MTSS1: variants seen among roughly 807,000 people sequenced by gnomAD.
MTSS1 encodes MTSS I-BAR domain containing 1.
Under a neutral mutation model 79.0 loss-of-function variants are expected in MTSS1, and 18 were observed. The observed-to-expected ratio is 0.23, with a 90% confidence interval of 0.16 to 0.34. The LOEUF is 0.34. Among genes scored for constraint, MTSS1 ranks in the 10% least tolerant of loss-of-function variants. MTSS1 has a pLI of 1.00. For synonymous variants in MTSS1, 341 were observed against 368.6 expected, an observed-to-expected ratio of 0.93 and a Z score of 0.86; for missense variants, 815 against 986.2, an observed-to-expected ratio of 0.83 and a Z score of 2.33.
rs77717998 is a variant in MTSS1, at chr8:124,629,006, G to A, written c.209-37771C>T. 5.5e-3 allele frequency among the ~76,000 whole-genome samples: 836 copies of A among 152,260 alleles called. 8 individuals carry two copies. Among genetic ancestry groups the A allele is most frequent in the African/African-American group, 0.018 (766 of 41,556 alleles). The stretch of plus-strand genomic sequence containing the variant: ...TTTCCCAAGAGGGTCCTTGGGGCAG[G>A]AGGGAAATGAGTTAATCATGAGAGC... On this transcript the variant is annotated intron_variant, in intron 3 of 13. Transcript: ENST00000518547.
At chr8:124,574,501 G>A (rs574619590) in intron 6 of MTSS1, among the ~76,000 whole-genome samples, 4 of 152,152 alleles carry the variant, frequency 2.6e-5, no homozygotes, top group Admixed American at 6.5e-5. Flanking sequence ...AGTCTTTCTC[G>A]TTCTGAAGAC....
At chr8:124,677,512 AT>A (rs1331103656) in intron 3 of MTSS1, among the ~76,000 whole-genome samples, 3 of 152,140 alleles carry the variant, frequency 2.0e-5, no homozygotes, top group Non-Finnish European at 4.4e-5. Flanking sequence ...AATTCATACC[AT>A]TTTTGCATGT....
rs1412314953 is a variant in MTSS1 at position 124,727,727 on chromosome 8, C to T, written c.72+157G>A. 3 of 690,472 alleles carry T rather than the reference C, an allele frequency of 4.3e-6. No homozygotes were observed. The highest frequency in any genetic ancestry group is 4.5e-5 in the Admixed American group (2 of 44,088). 42.8% of individuals were successfully genotyped at this position (690,472 alleles called of 1,614,324 possible). A position where few individuals can be genotyped will look rare whatever the true frequency, so the allele number is the denominator to read the frequency against. On this transcript the variant is annotated intron_variant, in intron 1 of 13. Coordinates refer to ENST00000518547, the MANE Select transcript of MTSS1 (RefSeq NM_014751.6). This position sits in a 1 kb window ranked among gnomAD's most constrained non-coding sequence, Gnocchi z 4.7. The stretch of plus-strand genomic sequence containing the variant: ...CCCCGCAGAGCCCGGAGCAGCGCCC[C>T]GGGTGAGCAGGTGACACTCCGGCCG...
chr8:124,605,875 A>T (rs1834745128), intron 3 of MTSS1, among the ~76,000 whole-genome samples: 3 of 152,074 alleles, frequency 2.0e-5, no homozygotes, highest in Admixed American at 2.0e-4. Context: ...TGCTTGCAAC[A>T]TGACAAACCC....
chr8:124,676,405 G>C (rs1825296664), intron 3 of MTSS1, among the ~76,000 whole-genome samples: 1 of 152,196 alleles, frequency 6.6e-6, no homozygotes, highest in Non-Finnish European at 1.5e-5. Context: ...AGAACACTCA[G>C]ACCTTTCTTT....
intron 3 of MTSS1, among the ~76,000 whole-genome samples, chr8:124,627,679 G>A (rs186288715): frequency 0.024 from 3,711 of 152,276 alleles, 77 homozygotes; most frequent in South Asian, 0.075. Flanking sequence ...GTGGCGGGGG[G>A]GTCCCCCAGG....
intron 6 of MTSS1, among the ~76,000 whole-genome samples, chr8:124,569,935 C>T (rs1017257083): frequency 4.6e-5 from 7 of 152,144 alleles, no homozygotes; most frequent in African/African-American, 1.4e-4. Context: ...GCAGGAAGGG[C>T]CCTGCAGTTT....
At chr8:124,580,272 T>A in intron 6 of MTSS1, 1 of 397,924 alleles carries the variant, frequency 2.5e-6, no homozygotes, top group Non-Finnish European at 4.6e-6. Context: ...CACTCTGTAT[T>A]TCTTTTTTCC....
chr8:124,629,243 G>T (rs1346279890), intron 3 of MTSS1, among the ~76,000 whole-genome samples: 1 of 152,020 alleles, frequency 6.6e-6, no homozygotes, highest in African/African-American at 2.4e-5. Flanking sequence ...GGCCAGGCGC[G>T]GTGGCTCACA....
chr8:124,570,799 C>T (rs1258369919), intron 6 of MTSS1, among the ~76,000 whole-genome samples: 1 of 152,166 alleles, frequency 6.6e-6, no homozygotes, highest in Non-Finnish European at 1.5e-5. Context: ...GCCTCTTAAG[C>T]AGCTGGGACT....
In MTSS1 at chr8:124,727,534, C is replaced by A. The variant is rs1227849310; in HGVS notation, c.72+350G>T. ...GGAATCAGGTGTCCTCCCGGGCATCCAGCCCCCGCGGGTCCCAGACACTTA... is the reference window on the plus strand; with the variant it reads ...GGAATCAGGTGTCCTCCCGGGCATCAAGCCCCCGCGGGTCCCAGACACTTA... On this transcript the variant is annotated intron_variant, in intron 1 of 13. Coordinates refer to ENST00000518547, the MANE Select transcript of MTSS1 (RefSeq NM_014751.6). This position sits in a 1 kb window ranked among gnomAD's most constrained non-coding sequence, Gnocchi z 4.7. 2.1e-6 allele frequency: 1 copy of A among 479,448 alleles called. No homozygotes were observed. The highest frequency in any genetic ancestry group is 2.3e-5 in the Admixed American group (1 of 43,088). 29.7% of individuals were successfully genotyped at this position (479,448 alleles called of 1,614,324 possible).
chr8:124,672,652 T>A lies in MTSS1; in HGVS notation c.208+26874A>T, dbSNP rs180744282. Among the ~76,000 whole-genome samples the A allele has an allele frequency of 4.5e-3, 632 of 140,878 alleles. 4 individuals carry two copies. The highest frequency in any genetic ancestry group is 0.017 in the African/African-American group (603 of 35,268). The allele number at this position is 140,878 out of a possible 152,430, so 92.4% of individuals were successfully genotyped here. On this transcript the variant is annotated intron_variant, in intron 3 of 13. Transcript: ENST00000518547. ...GAAACCTCATCTCTACAAAATAATT[T>A]AAAAAAAAATAGCTGGGTGTGGTGG...
intron 3 of MTSS1, among the ~76,000 whole-genome samples, chr8:124,607,704 C>T (rs1835114734): frequency 6.6e-6 from 1 of 152,160 alleles, no homozygotes; most frequent in Admixed American, 6.5e-5. Context: ...CAAATCGAGT[C>T]TCAGGTCAAG....
At chr8:124,655,921 G>A (rs1293316654) in intron 3 of MTSS1, among the ~76,000 whole-genome samples, 1 of 152,176 alleles carries the variant, frequency 6.6e-6, no homozygotes, top group African/African-American at 2.4e-5. Context: ...GGGAACAGAA[G>A]CTGGAAAGAT....
chr8:124,630,754 A>G (rs1360994393), intron 3 of MTSS1, among the ~76,000 whole-genome samples: 1 of 152,252 alleles, frequency 6.6e-6, no homozygotes, highest in Non-Finnish European at 1.5e-5. Flanking sequence ...GGAAATTAAA[A>G]TAATGCAAAT....
chr8:124,608,037 C>T (rs1170316144), intron 3 of MTSS1, among the ~76,000 whole-genome samples: 2 of 151,978 alleles, frequency 1.3e-5, no homozygotes, highest in African/African-American at 4.8e-5. Context: ...AAACATTTTC[C>T]CAGTCTTGCC....
At chr8:124,612,113 A>C (rs1014326793) in intron 3 of MTSS1, among the ~76,000 whole-genome samples, 2 of 152,262 alleles carry the variant, frequency 1.3e-5, no homozygotes, top group Admixed American at 6.5e-5. Flanking sequence ...TATCTGCTGC[A>C]GGAATTAGTA....
intron 6 of MTSS1, chr8:124,577,652 C>T (rs1197575686): frequency 1.9e-6 from 1 of 518,314 alleles, no homozygotes; most frequent in Non-Finnish European, 3.9e-6. Context: ...TCCACCCAGA[C>T]AGAAGGGGTC....
At chr8:124,651,392 T>C (rs1156916608) in intron 3 of MTSS1, among the ~76,000 whole-genome samples, 1 of 151,738 alleles carries the variant, frequency 6.6e-6, no homozygotes, top group Non-Finnish European at 1.5e-5. Context: ...AGCACAATCA[T>C]ATAAATTGTA....
Sources: gnomAD v4.1 joint callset for allele counts (sites outside exome capture counted in the v4.1 genomes callset) on GRCh38, gnomAD v4.1.1 for gene constraint, Gnocchi (gnomAD v3.1) non-coding constraint, MANE v1.5 for transcripts, NCBI Gene and HGNC (gene_info 2026-07-23, HGNC 2026-07-21) for gene names.